UPP2: variants seen among roughly 807,000 people sequenced by gnomAD.
The protein encoded by UPP2 is UPase 2.
UPP2 carries 23 observed loss-of-function variants against 26.7 expected under a neutral mutation model. The observed-to-expected ratio is 0.86, with a 90% CI of 0.62 to 1.22. The LOEUF (loss-of-function observed/expected upper bound fraction) is 1.22, where lower values mean the gene tolerates loss of function less well. Among genes scored for constraint, UPP2 ranks in the 50% most tolerant of loss-of-function variants. UPP2 has a pLI of 0.00. For synonymous variants in UPP2, 127 were observed against 141.3 expected, an observed-to-expected ratio of 0.90 and a Z score of 0.72; for missense variants, 387 against 396.7, an observed-to-expected ratio of 0.98 and a Z score of 0.21.
chr2:158,018,169 AG>A (rs1323747354), intron 3 of UPP2, among the ~76,000 whole-genome samples: 2 of 152,258 alleles, frequency 1.3e-5, no homozygotes, highest in South Asian at 2.1e-4. Context: ...TGTCATAGTA[AG>A]CATTATCCAA....
At chr2:158,014,342 A>C (rs1037872107) in intron 2 of UPP2, among the ~76,000 whole-genome samples, 4 of 152,198 alleles carry the variant, frequency 2.6e-5, no homozygotes, top group Non-Finnish European at 5.9e-5. Context: ...CCCAGCTCGC[A>C]AATACTCTCC....
intron 4 of UPP2, among the ~76,000 whole-genome samples, chr2:158,118,262 A>C (rs1683484528): frequency 6.6e-6 from 1 of 151,734 alleles, no homozygotes; most frequent in Non-Finnish European, 1.5e-5. Context: ...GTTTTTTTAA[A>C]GTGACAGAAA....
At chr2:158,108,490 T>A (rs768993822) in intron 2 of UPP2, among the ~76,000 whole-genome samples, 1 of 152,248 alleles carries the variant, frequency 6.6e-6, no homozygotes, top group South Asian at 2.1e-4. Flanking sequence ...GTTTTAGTAC[T>A]TTTTAGTACT....
intron 1 of UPP2, among the ~76,000 whole-genome samples, chr2:158,103,164 T>C (rs1350751434): frequency 6.6e-6 from 1 of 152,192 alleles, no homozygotes; most frequent in East Asian, 1.9e-4. Context: ...AGTTTTTTCT[T>C]TGGTACTGAT....
At chr2:158,101,785 C>A, upstream of UPP2, 1 of 1,149,400 alleles carries the variant, frequency 8.7e-7, no homozygotes, top group African/African-American at 1.6e-5. Flanking sequence ...GATGCCACAC[C>A]TTCAAAGGGG....
intron 2 of UPP2, among the ~76,000 whole-genome samples, 200 bp from the exon 3 acceptor site, chr2:158,114,901 A>AGT: frequency 6.6e-6 from 1 of 152,378 alleles, no homozygotes; most frequent in Non-Finnish European, 1.5e-5. Context: ...TTACAAATTT[A>AGT]GTGCAAAAAA....
intron 3 of UPP2, among the ~76,000 whole-genome samples, chr2:158,050,422 C>G (rs1055973336): frequency 2.0e-5 from 3 of 151,646 alleles, no homozygotes; most frequent in Non-Finnish European, 4.4e-5. Flanking sequence ...TCTATCTTAT[C>G]CTTATTCTCT....
intron 3 of UPP2, among the ~76,000 whole-genome samples, chr2:158,075,495 G>A (rs1682616540): frequency 6.6e-6 from 1 of 151,848 alleles, no homozygotes; most frequent in Admixed American, 6.6e-5. Flanking sequence ...CATCTTCTCT[G>A]ACCACCATGG....
chr2:158,084,271 C>CA (rs1449209589), intron 3 of UPP2, among the ~76,000 whole-genome samples: 31 of 152,140 alleles, frequency 2.0e-4, no homozygotes, highest in African/African-American at 7.5e-4. Context: ...TGACATTGAA[C>CA]ATTTTTTCAT....
intron 3 of UPP2, among the ~76,000 whole-genome samples, chr2:158,068,973 A>G (rs1199250865): frequency 6.7e-6 from 1 of 150,368 alleles, no homozygotes; most frequent in Non-Finnish European, 1.5e-5. Flanking sequence ...GCCCGCCACC[A>G]CGCCAGGCTA....
At chr2:158,118,091 C>T (rs1475713023) in intron 4 of UPP2, among the ~76,000 whole-genome samples, 153 bp downstream of exon 4, 5 of 151,908 alleles carry the variant, frequency 3.3e-5, no homozygotes, top group Non-Finnish European at 7.4e-5. Flanking sequence ...GGAAATCTGC[C>T]CACATTGCCT....
intron 4 of UPP2, 78 bp from the exon 5 acceptor site, chr2:158,121,331 T>C: frequency 7.7e-7 from 1 of 1,290,692 alleles, no homozygotes; most frequent in Non-Finnish European, 1.1e-6. Context: ...GCATTAATAC[T>C]AGAATAAGTT....
intron 2 of UPP2, among the ~76,000 whole-genome samples, chr2:158,108,309 T>C (rs1025872354): frequency 2.0e-5 from 3 of 152,174 alleles, no homozygotes; most frequent in Admixed American, 2.0e-4. Flanking sequence ...CTCAAATATA[T>C]ACATAGTGTT....
intron 3 of UPP2, among the ~76,000 whole-genome samples, chr2:158,024,198 G>A (rs928797565): frequency 6.6e-6 from 1 of 152,048 alleles, no homozygotes; most frequent in Non-Finnish European, 1.5e-5. Flanking sequence ...TTAAAATATG[G>A]GACTTAGAGC....
At position 158,135,933 on chromosome 2, in the gene UPP2, G is replaced by A. The variant is rs1172630097; in HGVS notation, c.*1043G>A. 1 of 152,158 alleles carries A rather than the reference G, an allele frequency of 6.6e-6. No individual in the cohort carries two copies. Among genetic ancestry groups the A allele is most frequent in the Non-Finnish European group, 1.5e-5 (1 of 68,028 alleles). 9.4% of individuals were successfully genotyped at this position (152,158 alleles called of 1,614,324 possible). A position where few individuals can be genotyped will look rare whatever the true frequency, so the allele number is the denominator to read the frequency against. On this transcript the variant is annotated 3_prime_UTR_variant, in exon 7 of 7. Coordinates refer to ENST00000005756, the MANE Select transcript of UPP2 (RefSeq NM_173355.4). ...AATGTTGTGTACATATTATTTATATGGTTGTGGCTCAAATAAAGTTTAATT... is the reference window on the plus strand; with the variant it reads ...AATGTTGTGTACATATTATTTATATAGTTGTGGCTCAAATAAAGTTTAATT...
chr2:158,079,824 C>G (rs4664240), intron 3 of UPP2, among the ~76,000 whole-genome samples: 97,246 of 152,008 alleles, frequency 0.64, 31,707 homozygotes, highest in Non-Finnish European at 0.69. Flanking sequence ...ATTCATTGTT[C>G]TTTTATATAA....
At chr2:158,015,571 C>T (rs1683644739) in intron 2 of UPP2, among the ~76,000 whole-genome samples, 1 of 152,120 alleles carries the variant, frequency 6.6e-6, no homozygotes, top group South Asian at 2.1e-4. Context: ...CTCTTTGAGA[C>T]TCTAGTTATA....
chr2:158,098,885 G>T (rs528415259), upstream of UPP2, among the ~76,000 whole-genome samples: 1 of 152,162 alleles, frequency 6.6e-6, no homozygotes, highest in Non-Finnish European at 1.5e-5. Flanking sequence ...GCACGTATAT[G>T]TAATAATGTT....
chr2:158,017,935 A>G (rs865785688), intron 3 of UPP2, among the ~76,000 whole-genome samples: 4 of 152,244 alleles, frequency 2.6e-5, no homozygotes, highest in Non-Finnish European at 5.9e-5. Context: ...GTTGTAGTCT[A>G]TTAAATATAT....
Sources: allele counts gnomAD v4.1 joint callset (sites outside exome capture counted in the v4.1 genomes callset), GRCh38; gene constraint gnomAD v4.1.1; transcripts MANE v1.5; gene names NCBI Gene and HGNC (gene_info 2026-07-23, HGNC 2026-07-21).